Variants in ME3 observed in about 807,000 individuals in gnomAD.
The protein encoded by ME3 is malic enzyme 3.
In ME3, 48 loss-of-function variants were observed where a neutral mutation model predicts 68.9. That is an observed-to-expected ratio of 0.70 (90% CI 0.55 to 0.89). The LOEUF (loss-of-function observed/expected upper bound fraction) is 0.89, where lower values mean the gene tolerates loss of function less well. Among genes scored for constraint, ME3 ranks in the 40% least tolerant of loss-of-function variants. The pLI is 0.00. For missense variants in ME3, 675 were observed against 797.4 expected (o/e 0.85, Z 1.85); for synonymous variants, 320 against 318.8 (o/e 1.00, Z -0.04).
At chr11:86,556,455 G>A in intron 4 of ME3, 98 bp downstream of exon 4, 1 of 1,410,354 alleles carries the variant, frequency 7.1e-7, no homozygotes, top group Non-Finnish European at 9.5e-7. Flanking sequence ...CCCAATCAGA[G>A]TTAGCCTCCA....
chr11:86,536,148 C>A (rs933303695), intron 4 of ME3, among the ~76,000 whole-genome samples: 10 of 152,180 alleles, frequency 6.6e-5, no homozygotes, highest in African/African-American at 1.9e-4. Context: ...GTCTGTTGCA[C>A]AGGGCACTTG....
chr11:86,585,553 T>C (rs1347079334), intron 2 of ME3, among the ~76,000 whole-genome samples: 2 of 152,174 alleles, frequency 1.3e-5, no homozygotes, highest in Non-Finnish European at 2.9e-5. Flanking sequence ...GGACTGGTTT[T>C]GGGTGGGAGT....
chr11:86,519,857 G>A (rs964003344), intron 4 of ME3, among the ~76,000 whole-genome samples: 1 of 152,258 alleles, frequency 6.6e-6, no homozygotes, highest in Non-Finnish European at 1.5e-5. Context: ...AACTGTCCAT[G>A]CCTTGGAAGA....
At chr11:86,560,698 A>G (rs1320083415) in intron 2 of ME3, among the ~76,000 whole-genome samples, 3 of 138,828 alleles carry the variant, frequency 2.2e-5, no homozygotes, top group African/African-American at 8.0e-5. Context: ...ATATGTATAT[A>G]ATGATATGTG....
rs201690381 is a variant in ME3, at chr11:86,449,963, C to T, written c.1057G>A (p.Glu353Lys). 8 of 1,614,112 alleles carry T rather than the reference C, an allele frequency of 5.0e-6. No homozygotes were observed. Among genetic ancestry groups the T allele is most frequent in the Non-Finnish European group, 6.8e-6 (8 of 1,179,994 alleles). Residue 353 changes from glutamate to lysine, a missense_variant, in exon 10 of 15, where the codon GAG becomes AAG. Physicochemically the swap from Glu to Lys is moderately conservative, Grantham distance 56. Transcript: ENST00000543262. ...TCTGCCTTCGGTACACCTTCTTTCT[C>T]TAGGGCCATGACAAGGAGGTGGGCA...
chr11:86,478,625 A>G (rs79812976), intron 7 of ME3, among the ~76,000 whole-genome samples: 4,606 of 152,326 alleles, frequency 0.03, 90 homozygotes, highest in South Asian at 0.097. Flanking sequence ...CACTACATCA[A>G]GTCTCAAATA....
At chr11:86,440,276 G>A (rs765994695), downstream of ME3, among the ~76,000 whole-genome samples, 9 of 152,156 alleles carry the variant, frequency 5.9e-5, no homozygotes, top group Non-Finnish European at 1.2e-4. Flanking sequence ...ATTTCAGGGG[G>A]CTGCAAGCTC....
chr11:86,555,121 G>T (rs999672546), intron 4 of ME3, among the ~76,000 whole-genome samples: 1 of 152,152 alleles, frequency 6.6e-6, no homozygotes. Context: ...GACCATACGT[G>T]CCAAGGCATG....
At chr11:86,656,329 G>C (rs1325623440) in intron 2 of ME3, among the ~76,000 whole-genome samples, 1 of 151,836 alleles carries the variant, frequency 6.6e-6, no homozygotes, top group Non-Finnish European at 1.5e-5. Context: ...ATTCACAATA[G>C]CAAAGACTTG....
At chr11:86,620,260 TTAAC>T (rs1358334110) in intron 2 of ME3, among the ~76,000 whole-genome samples, 1 of 152,258 alleles carries the variant, frequency 6.6e-6, no homozygotes, top group Non-Finnish European at 1.5e-5. Context: ...ATAATTATTC[TTAAC>T]TAAATAACTA....
At chr11:86,638,836 C>G (rs1026425359) in intron 2 of ME3, among the ~76,000 whole-genome samples, 1 of 152,194 alleles carries the variant, frequency 6.6e-6, no homozygotes, top group African/African-American at 2.4e-5. Context: ...GGATGTAAAT[C>G]CATGTCCCTT....
At chr11:86,483,010 C>T (rs905602982) in intron 7 of ME3, among the ~76,000 whole-genome samples, 1 of 152,136 alleles carries the variant, frequency 6.6e-6, no homozygotes, top group African/African-American at 2.4e-5. Flanking sequence ...TCCTTGACAC[C>T]ACAGATCAAG....
intron 2 of ME3, among the ~76,000 whole-genome samples, chr11:86,663,156 A>G (rs1250421088): frequency 6.6e-6 from 1 of 152,238 alleles, no homozygotes; most frequent in Non-Finnish European, 1.5e-5. Context: ...TGCTTTTAAA[A>G]TATAATAATC....
At chr11:86,517,704 A>G (rs941987046) in intron 4 of ME3, among the ~76,000 whole-genome samples, 3 of 152,204 alleles carry the variant, frequency 2.0e-5, no homozygotes, top group Non-Finnish European at 4.4e-5. Context: ...ACTGGGAGGT[A>G]GTAATTGATA....
intron 8 of ME3, among the ~76,000 whole-genome samples, chr11:86,453,292 A>G (rs547903340): frequency 6.6e-6 from 1 of 152,194 alleles, no homozygotes; most frequent in Non-Finnish European, 1.5e-5. Context: ...TAGCCACCAC[A>G]CCTGGCCAGA....
At chr11:86,487,129 C>G (rs142243783) in intron 7 of ME3, among the ~76,000 whole-genome samples, 20 of 152,314 alleles carry the variant, frequency 1.3e-4, no homozygotes, top group Middle Eastern at 3.4e-3. Context: ...CATTCCCTCC[C>G]CTCACTGCTC....
intron 4 of ME3, among the ~76,000 whole-genome samples, chr11:86,551,001 C>T (rs965530190): frequency 3.3e-5 from 5 of 151,506 alleles, no homozygotes; most frequent in Non-Finnish European, 5.9e-5. Context: ...TGGGGGTTGC[C>T]GGTGGGCTGG....
chr11:86,590,871 G>A lies in ME3; in HGVS notation c.184-31048C>T, dbSNP rs1024051159. 3.4e-4 allele frequency among the ~76,000 whole-genome samples: 52 copies of A among 152,348 alleles called. 1 individual carries two copies. The highest frequency in any genetic ancestry group is 1.1e-3 in the African/African-American group (46 of 41,584). On this transcript the variant is annotated intron_variant, in intron 2 of 14. Coordinates refer to ENST00000543262, the Ensembl canonical transcript of ME3. ...CCTTTGATGAGCCCACTAGCACTAT[G>A]AGGCAGTAATAAGGCTGCTGCCATA...
chr11:86,630,140 C>T (rs1342953978), intron 2 of ME3, among the ~76,000 whole-genome samples: 1 of 152,102 alleles, frequency 6.6e-6, no homozygotes, highest in Non-Finnish European at 1.5e-5. Context: ...ATTTTACATA[C>T]AGTGTATCCC....
Sources: allele counts gnomAD v4.1 joint callset (sites outside exome capture counted in the v4.1 genomes callset), GRCh38; gene constraint gnomAD v4.1.1; transcripts MANE v1.5; gene names NCBI Gene and HGNC (gene_info 2026-07-23, HGNC 2026-07-21).